The following FADS6 variants were observed in gnomAD, a reference collection of about 807,000 sequenced individuals.
The protein encoded by FADS6 is fatty acid desaturase 6, also known as fatty acid desaturase domain family, member 6.
Under a neutral mutation model 31.7 loss-of-function variants are expected in FADS6, and 28 were observed. The observed-to-expected ratio is 0.88, with a 90% CI of 0.66 to 1.21. The LOEUF (loss-of-function observed/expected upper bound fraction) is 1.21. FADS6 is among the 50% of genes most tolerant of loss of function. The pLI, the probability that FADS6 is intolerant of heterozygous loss-of-function variation, is 0.00. For synonymous variants in FADS6, 191 were observed against 213.1 expected, an observed-to-expected ratio of 0.90 and a Z score of 0.90; for missense variants, 494 against 504.2, an observed-to-expected ratio of 0.98 and a Z score of 0.19.
chr17:74,883,173 G>A (rs2038591312), intron 2 of FADS6, among the ~76,000 whole-genome samples: 1 of 152,234 alleles, frequency 6.6e-6, no homozygotes, highest in Non-Finnish European at 1.5e-5. Context: ...AGAGAGCAGG[G>A]ACACCATCCC....
chr17:74,885,922 G>A (rs1217851831), intron 2 of FADS6, among the ~76,000 whole-genome samples: 1 of 152,126 alleles, frequency 6.6e-6, no homozygotes, highest in African/African-American at 2.4e-5. Context: ...AGGTGGCCAA[G>A]GCAGGCAGAT....
chr17:74,884,989 T>TGA (rs1322053589), intron 2 of FADS6, among the ~76,000 whole-genome samples: 2 of 152,118 alleles, frequency 1.3e-5, no homozygotes, highest in African/African-American at 2.4e-5. Context: ...GAATACAGCG[T>TGA]GAGCCACTGC....
downstream of FADS6, among the ~76,000 whole-genome samples, chr17:74,875,147 C>A (rs967266629): frequency 2.0e-5 from 3 of 152,168 alleles, no homozygotes; most frequent in African/African-American, 4.8e-5. Flanking sequence ...GGGTCTGAAT[C>A]CCTCTTCCTC....
intron 2 of FADS6, among the ~76,000 whole-genome samples, chr17:74,885,372 A>G (rs987135487): frequency 6.6e-6 from 1 of 152,144 alleles, no homozygotes; most frequent in Non-Finnish European, 1.5e-5. Flanking sequence ...CATCAAAATC[A>G]TATCACTGGA....
At position 74,891,963 on chromosome 17, in the gene FADS6, G is replaced by C. The variant is rs978956835; in HGVS notation, c.411+560C>G. On this transcript the variant is annotated intron_variant, in intron 2 of 5. Coordinates refer to ENST00000612771, the MANE Select transcript of FADS6 (RefSeq NM_178128.6). ...GGAGGCCTGGAGACCAGTCAAGAGAGAAAGACAAGCTGGTCGAAACTTTTG... is the reference window on the plus strand; with the variant it reads ...GGAGGCCTGGAGACCAGTCAAGAGACAAAGACAAGCTGGTCGAAACTTTTG... Among the ~76,000 whole-genome samples the C allele has an allele frequency of 3.9e-5, 6 of 152,230 alleles. No homozygotes were observed. The East Asian group carries it at 1.2e-3, about 29-fold the overall frequency.
intron 4 of FADS6, 125 bp downstream of exon 4, chr17:74,880,943 G>T: frequency 1.0e-6 from 1 of 997,170 alleles, no homozygotes; most frequent in Non-Finnish European, 1.5e-6. Context: ...TGATGAGAGC[G>T]AGAGGGAGGA....
downstream of FADS6, among the ~76,000 whole-genome samples, chr17:74,875,188 T>C (rs2038500811): frequency 1.3e-5 from 2 of 152,206 alleles, no homozygotes; most frequent in Admixed American, 6.5e-5. Flanking sequence ...TTGAGAAATT[T>C]AATCTCTCCA....
rs780015338 is a variant in FADS6, at chr17:74,882,769, A to T, written c.412-59T>A. The stretch of plus-strand genomic sequence containing the variant: ...CCTGTCAGGCACAGTTGAGCAATGC[A>T]GGACCTTTGAGAGCCCGGAGAACAC... On this transcript the variant is annotated intron_variant, in intron 2 of 5. Coordinates refer to ENST00000612771, the MANE Select transcript of FADS6 (RefSeq NM_178128.6). 3.2e-6 allele frequency: 5 copies of T among 1,558,684 alleles called. No homozygotes were observed. In the Admixed American group the frequency reaches 9.5e-5, roughly 30 times the overall value.
intron 5 of FADS6, among the ~76,000 whole-genome samples, 198 bp from the exon 6 acceptor site, chr17:74,878,675 C>A (rs773823754): frequency 3.3e-5 from 5 of 152,220 alleles, no homozygotes; most frequent in Non-Finnish European, 7.3e-5. Context: ...TGGCTTCTCT[C>A]CGACATCCAG....
intron 2 of FADS6, among the ~76,000 whole-genome samples, chr17:74,887,831 G>A (rs565053137): frequency 4.6e-5 from 7 of 152,124 alleles, no homozygotes; most frequent in Non-Finnish European, 8.8e-5. Context: ...GACTACAGGC[G>A]TGTGCCACCA....
chr17:74,893,466 G>A lies in FADS6; in HGVS notation c.130C>T (p.Leu44=). Residue 44 remains leucine (L), a synonymous_variant, in exon 1 of 6, where the codon CTG becomes TTG. Transcript: ENST00000612771. ...ACCAGCACCTCCAGCTCCCGCAGCA[G>A]CGCCTCGCCCCCACGGTGCGCGCTC... is the stretch of plus-strand genomic sequence containing the variant. ...ARSAHRGGEA[L]LRELEVLVQD... 2 of 1,591,680 alleles carry A rather than the reference G, an allele frequency of 1.3e-6. No individual in the cohort carries two copies. The highest frequency in any genetic ancestry group is 1.1e-5 in the South Asian group (1 of 87,974).
In FADS6 at chr17:74,878,108, C is replaced by T. The variant is rs1013914182; in HGVS notation, c.*223G>A. ...GTCCAGACTGACCAGAATGCACAGC[C>T]ACCATTACCGCTTCACCCAGACACC... On this transcript the variant is annotated 3_prime_UTR_variant, in exon 6 of 6. Coordinates refer to ENST00000612771, the MANE Select transcript of FADS6 (RefSeq NM_178128.6). The T allele has an allele frequency of 7.1e-6, 10 of 1,399,788 alleles. No individual in the cohort carries two copies. The highest frequency in any genetic ancestry group is 9.3e-6 in the Non-Finnish European group (10 of 1,078,976). The allele number at this position is 1,399,788 out of a possible 1,614,324, so 86.7% of individuals were successfully genotyped here.
chr17:74,886,768 T>C (rs932149281), intron 2 of FADS6, among the ~76,000 whole-genome samples: 6 of 152,184 alleles, frequency 3.9e-5, no homozygotes, highest in African/African-American at 1.4e-4. Context: ...TGGATTCTGG[T>C]GACCCCTGAT....
chr17:74,892,287 G>A (rs1334528868), intron 2 of FADS6, among the ~76,000 whole-genome samples: 2 of 152,168 alleles, frequency 1.3e-5, no homozygotes, highest in Admixed American at 6.5e-5. Context: ...CCAAGACAGC[G>A]GCATACTCAT....
At position 74,893,450 on chromosome 17, in the gene FADS6, T is replaced by G. The variant is rs1386956854; in HGVS notation, c.146A>C (p.Glu49Ala). ...RGGEALLREL[E>A]VLVQDVVRTS... Reference sequence around the variant, plus strand: ...CCTCACCACGTCCTGCACCAGCACCTCCAGCTCCCGCAGCAGCGCCTCGCC... The same window carrying G: ...CCTCACCACGTCCTGCACCAGCACCGCCAGCTCCCGCAGCAGCGCCTCGCC... Residue 49 changes from glutamate (E) to alanine (A), a missense_variant, in exon 1 of 6, where the codon GAG becomes GCG. By Grantham distance (107) the Glu-to-Ala change is moderately radical. Around this residue, in one of 2 missense-constraint regions of FADS6, gnomAD observed 454 missense variants for 438.5 expected, o/e 1.04. Coordinates refer to ENST00000612771, the MANE Select transcript of FADS6 (RefSeq NM_178128.6). 13 of 1,589,958 alleles carry G rather than the reference T, an allele frequency of 8.2e-6. No homozygotes were observed. The highest frequency in any genetic ancestry group is 1.1e-5 in the South Asian group (1 of 87,476).
At chr17:74,879,299 A>T (rs773537859) in intron 5 of FADS6, 105 bp downstream of exon 5, 1 of 1,399,020 alleles carries the variant, frequency 7.1e-7, no homozygotes, top group South Asian at 1.4e-5. Context: ...AGCCTCCGCA[A>T]GTGCCAGGAT....
At chr17:74,887,492 T>G (rs2038635806) in intron 2 of FADS6, among the ~76,000 whole-genome samples, 1 of 152,172 alleles carries the variant, frequency 6.6e-6, no homozygotes, top group Non-Finnish European at 1.5e-5. Flanking sequence ...CTCATCACAT[T>G]CTGCCTGCCC....
Position 74,878,338 on chromosome 17 carries a change from C to T in FADS6, c.1100G>A (p.Gly367Glu). 6.2e-7 allele frequency: 1 copy of T among 1,613,372 alleles called. No individual in the cohort carries two copies. The change falls in exon 6 of 6, where the codon GGG (glycine) becomes GAG (glutamate). Residue 367 changes from glycine to glutamate, a missense_variant. By Grantham distance (98) the Gly-to-Glu change is moderately conservative. Coordinates refer to ENST00000612771, the MANE Select transcript of FADS6 (RefSeq NM_178128.6). ...VQAPPITELVGL is the reference protein window; with the variant it reads ...VQAPPITELVEL ...TGCACCGGCCCGGCCTCATTACAGC[C>T]CCACAAGCTCAGTGATGGGTGGGGC...
rs1598568078 is a variant in FADS6 at position 74,893,569 on chromosome 17, A to AGGTTCCATGGGCTCCGTG, written c.26_27insCACGGAGCCCATGGAACC (p.Thr28_Pro33dup). The AGGTTCCATGGGCTCCGTG allele has an allele frequency of 2.0e-4, 269 of 1,356,248 alleles. 1 individual carries two copies. The highest frequency in any genetic ancestry group is 1.8e-3 in the South Asian group (117 of 65,336). The allele number at this position is 1,356,248 out of a possible 1,614,324, so 84.0% of individuals were successfully genotyped here. A position where few individuals can be genotyped will look rare whatever the true frequency, so the allele number is the denominator to read the frequency against. The stretch of plus-strand genomic sequence containing the variant: ...GCTCCGTAGGTTCCATGGGCTCCGT[A>AGGTTCCATGGGCTCCGTG]GGTTCCATCGGCTCCGTGGGTTCCA... On this transcript the variant is annotated inframe_insertion, in exon 1 of 6. Transcript: ENST00000612771.
Sources: gnomAD v4.1 joint callset for allele counts (sites outside exome capture counted in the v4.1 genomes callset) on GRCh38, gnomAD v4.1.1 for gene constraint, gnomAD v4.1.1 regional missense constraint, MANE v1.5 for transcripts, NCBI Gene and HGNC (gene_info 2026-07-23, HGNC 2026-07-21) for gene names.